LYZL4: variants seen among roughly 807,000 people sequenced by gnomAD.
The protein encoded by LYZL4 is lysozyme-like protein 4.
LYZL4 carries 13 observed loss-of-function variants against 17.6 expected under a neutral mutation model. That is an observed-to-expected ratio of 0.74 (90% confidence interval 0.48 to 1.18). The LOEUF (loss-of-function observed/expected upper bound fraction) is 1.18, where lower values mean the gene tolerates loss of function less well. LYZL4 is among the 50% of genes most tolerant of loss of function. The pLI is 0.00. For missense variants in LYZL4, 174 were observed against 188.2 expected (o/e 0.92, Z 0.44); for synonymous variants, 64 against 67.7 (o/e 0.95, Z 0.27).
the LYZL4 span, among the ~76,000 whole-genome samples, chr3:42,377,737 A>G: frequency 6.6e-6 from 1 of 151,254 alleles, no homozygotes; most frequent in East Asian, 1.9e-4. Context: ...TGGGCCTGAT[A>G]TTTTTCACCC....
rs1403900273 is a variant in LYZL4, at chr3:42,407,113, A to G, written c.139T>C (p.Trp47Arg). The change falls in exon 2 of 5, where the codon TGG becomes CGG. Residue 47 changes from tryptophan (W) to arginine (R), a missense_variant and splice_region_variant. By Grantham distance (101) the Trp-to-Arg change is moderately radical. Coordinates refer to ENST00000287748, the MANE Select transcript of LYZL4 (RefSeq NM_144634.4). Reference protein sequence around the residue: ...DYFEGYSLENWVCLAYFESKF... With the variant: ...DYFEGYSLENRVCLAYFESKF... ...GGAGCACTAAGTGGGGCCTACTCACAGTTCTCAAGGCTATAGCCCTCAAAA... is the reference window on the plus strand; with the variant it reads ...GGAGCACTAAGTGGGGCCTACTCACGGTTCTCAAGGCTATAGCCCTCAAAA... 1 of 1,614,198 alleles carries G rather than the reference A, an allele frequency of 6.2e-7. No homozygotes were observed. The highest frequency in any genetic ancestry group is 1.1e-5 in the South Asian group (1 of 91,084).
chr3:42,408,632 T>C (rs759586680), intron 1 of LYZL4, among the ~76,000 whole-genome samples: 5 of 152,158 alleles, frequency 3.3e-5, no homozygotes, highest in Admixed American at 6.5e-5. Flanking sequence ...CAATTGGAAA[T>C]TGGAACTCAT....
At chr3:42,387,475 G>T in the LYZL4 span, among the ~76,000 whole-genome samples, 1 of 152,278 alleles carries the variant, frequency 6.6e-6, no homozygotes, top group East Asian at 1.9e-4. Flanking sequence ...GCGAAACACA[G>T]ATCTCACCCA....
chr3:42,391,091 G>A, the LYZL4 span, among the ~76,000 whole-genome samples: 1 of 152,250 alleles, frequency 6.6e-6, no homozygotes, highest in East Asian at 1.9e-4. Context: ...TGTCCAGTGT[G>A]ACCCAGCATT....
At chr3:42,398,562 T>C (rs1035911798) in intron 4 of LYZL4, among the ~76,000 whole-genome samples, 7 of 152,210 alleles carry the variant, frequency 4.6e-5, no homozygotes, top group Non-Finnish European at 8.8e-5. Flanking sequence ...ACTGAATAAA[T>C]AGTATTGAAA....
chr3:42,370,434 T>C, the LYZL4 span, among the ~76,000 whole-genome samples: 1 of 152,206 alleles, frequency 6.6e-6, no homozygotes, highest in African/African-American at 2.4e-5. Context: ...CCCTCTGTTA[T>C]GAAAATAAAA....
At chr3:42,381,482 C>T in the LYZL4 span, among the ~76,000 whole-genome samples, 1 of 152,136 alleles carries the variant, frequency 6.6e-6, no homozygotes, top group Non-Finnish European at 1.5e-5. Flanking sequence ...TGATCAAAGT[C>T]AACTGGCTTA....
chr3:42,380,377 C>T, the LYZL4 span, among the ~76,000 whole-genome samples: 1 of 152,200 alleles, frequency 6.6e-6, no homozygotes, highest in South Asian at 2.1e-4. Flanking sequence ...GATCTTTCTG[C>T]TTCCTCTAAA....
rs1432627412 is a variant in LYZL4, at chr3:42,407,151, C to T, written c.101G>A (p.Gly34Glu). ...ATAGCCCTCAAAATAATCCAGGCCT[C>T]CATCGTGGAGTTTCTTAGCCACTGT... Reference protein sequence around the residue: ...RCTVAKKLHDGGLDYFEGYSL... With the variant: ...RCTVAKKLHDEGLDYFEGYSL... Residue 34 changes from glycine (G) to glutamate (E), a missense_variant, in exon 2 of 5, where the codon GGA (glycine) becomes GAA (glutamate). Gly to Glu is a moderately conservative substitution (Grantham distance 98). Transcript: ENST00000287748. 1.2e-6 allele frequency: 2 copies of T among 1,614,030 alleles called. No homozygotes were observed. Among genetic ancestry groups the T allele is most frequent in the Non-Finnish European group, 1.7e-6 (2 of 1,180,044 alleles).
At chr3:42,377,180 C>T in the LYZL4 span, among the ~76,000 whole-genome samples, 1 of 152,208 alleles carries the variant, frequency 6.6e-6, no homozygotes, top group Middle Eastern at 3.4e-3. Flanking sequence ...GAGCATGTGT[C>T]CAGGAGAAGC....
At chr3:42,377,995 T>C in the LYZL4 span, among the ~76,000 whole-genome samples, 3 of 152,174 alleles carry the variant, frequency 2.0e-5, no homozygotes, top group African/African-American at 7.2e-5. Flanking sequence ...ACAGCCAAGA[T>C]TGGGTTCTCC....
the LYZL4 span, among the ~76,000 whole-genome samples, chr3:42,375,929 G>T: frequency 6.6e-6 from 1 of 152,248 alleles, no homozygotes; most frequent in South Asian, 2.1e-4. Flanking sequence ...TTGTGGGAAG[G>T]ATTAAAGGAG....
At chr3:42,362,285 A>G in the LYZL4 span, among the ~76,000 whole-genome samples, 1 of 152,216 alleles carries the variant, frequency 6.6e-6, no homozygotes, top group African/African-American at 2.4e-5. Context: ...AATTAGGGGA[A>G]GCTCTTCTTT....
At chr3:42,405,212 C>A (rs896913168) in intron 3 of LYZL4, among the ~76,000 whole-genome samples, 2 of 152,166 alleles carry the variant, frequency 1.3e-5, no homozygotes, top group African/African-American at 4.8e-5. Context: ...CCACGCCCGT[C>A]TAATTTTTTG....
intron 4 of LYZL4, among the ~76,000 whole-genome samples, chr3:42,398,221 C>T (rs901655951): frequency 1.3e-5 from 2 of 152,094 alleles, no homozygotes; most frequent in African/African-American, 2.4e-5. Context: ...AGTCTTCTCC[C>T]TTCCTGTCTG....
chr3:42,402,001 G>A (rs1415504986), intron 4 of LYZL4, among the ~76,000 whole-genome samples: 3 of 151,614 alleles, frequency 2.0e-5, no homozygotes, highest in Non-Finnish European at 4.4e-5. Context: ...AAAGCTTTTA[G>A]GAAAAAAAGG....
At chr3:42,405,904 A>T (rs1698740717) in intron 3 of LYZL4, among the ~76,000 whole-genome samples, 1 of 152,140 alleles carries the variant, frequency 6.6e-6, no homozygotes, top group Non-Finnish European at 1.5e-5. Flanking sequence ...AATTAATTAG[A>T]TGAATACTTA....
chr3:42,406,869 T>C lies in LYZL4; in HGVS notation c.269A>G (p.Asn90Ser). The change falls in exon 3 of 5, where the codon AAC becomes AGC. Residue 90 changes from asparagine to serine, a missense_variant. Coordinates refer to ENST00000287748, the MANE Select transcript of LYZL4 (RefSeq NM_144634.4). The stretch of plus-strand genomic sequence containing the variant: ...ACCGGAACATGACATATGGCAGCGG[T>C]TCCTGCCATGGTCGCCACACCAGTC... ...GSDWCGDHGR[N>S]RCHMSCSALL... The C allele has an allele frequency of 1.2e-6, 2 of 1,614,090 alleles. No homozygotes were observed. The highest frequency in any genetic ancestry group is 1.7e-6 in the Non-Finnish European group (2 of 1,180,030).
chr3:42,397,337 G>A lies in LYZL4; in HGVS notation c.372-3C>T. 1 of 1,566,688 alleles carries A rather than the reference G, an allele frequency of 6.4e-7. No homozygotes were observed. Among genetic ancestry groups the A allele is most frequent in the Non-Finnish European group, 8.7e-7 (1 of 1,154,668 alleles). ...GGCAGTACCGGGACCAGGTGGGCCT[G>A]TGGAGAGAAGTGAACAGGAAGGGCT... On this transcript the variant is annotated splice_region_variant and splice_polypyrimidine_tract_variant and intron_variant, in intron 4 of 4. Transcript: ENST00000287748.
Sources: gnomAD v4.1 joint callset for allele counts (sites outside exome capture counted in the v4.1 genomes callset) on GRCh38, gnomAD v4.1.1 for gene constraint, MANE v1.5 for transcripts, NCBI Gene and HGNC (gene_info 2026-07-23, HGNC 2026-07-21) for gene names.